Variants in UBR2 observed in about 807,000 individuals in gnomAD.
The protein encoded by UBR2 is ubiquitin protein ligase E3 component n-recognin 2.
In UBR2, 92 loss-of-function variants were observed where a neutral mutation model predicts 247.9. The ratio of observed to expected loss-of-function variants is 0.37; its 90% CI spans 0.31 to 0.44. The LOEUF is 0.44. UBR2 is among the 20% of genes least tolerant of loss of function. The pLI, the probability that UBR2 is intolerant of heterozygous loss-of-function variation, is 1.00. For synonymous variants in UBR2, 672 were observed against 693.5 expected (o/e 0.97, Z 0.49); for missense variants, 1,613 against 2,112.6 (o/e 0.76, Z 4.64).
intron 40 of UBR2, among the ~76,000 whole-genome samples, chr6:42,677,520 A>G (rs540994109): frequency 6.6e-6 from 1 of 152,330 alleles, no homozygotes; most frequent in Admixed American, 6.5e-5. Flanking sequence ...TCTCACCCCT[A>G]TAATCCCAGC....
In UBR2 at chr6:42,689,824, G is replaced by A. The variant is rs1799652436; in HGVS notation, c.5126+154G>A. Among the ~76,000 whole-genome samples the A allele has an allele frequency of 6.6e-6, 1 of 152,176 alleles. No homozygotes were observed. Among genetic ancestry groups the A allele is most frequent in the African/African-American group, 2.4e-5 (1 of 41,430 alleles). ...GAGGGTGCCCTGTCAGCCTGGTTTG[G>A]TGTTCTTTTCCCAGCCTTCAGAATG... is the stretch of plus-strand genomic sequence containing the variant. On this transcript the variant is annotated intron_variant, in intron 46 of 46. Transcript: ENST00000372901. The surrounding 1 kb of genome is among the most constrained non-coding windows in gnomAD (Gnocchi z 4.0).
At chr6:42,617,289 C>T (rs777854965) in intron 10 of UBR2, 120 bp from the exon 11 acceptor site, 7 of 1,614,120 alleles carry the variant, frequency 4.3e-6, no homozygotes, top group Non-Finnish European at 5.9e-6. Context: ...CACGAGCGAG[C>T]AGTGTCGGTG....
At chr6:42,670,362 G>C (rs1798358507) in intron 35 of UBR2, 122 bp downstream of exon 35, 1 of 1,270,734 alleles carries the variant, frequency 7.9e-7, no homozygotes, top group Non-Finnish European at 1.1e-6. Context: ...ATAATAAAAA[G>C]ACTTAGAAGC....
Position 42,661,355 on chromosome 6 carries a change from T to A in UBR2, c.3443-829T>A, listed in dbSNP as rs548950943. 3.3e-5 allele frequency among the ~76,000 whole-genome samples: 5 copies of A among 152,284 alleles called. No homozygotes were observed. The East Asian group carries it at 9.6e-4, about 29-fold the overall frequency. ...TCCAGGCCAAAGACAAAGTTGCTAA[T>A]TTTATTTAACTTATTACTTCTGAAG... On this transcript the variant is annotated intron_variant, in intron 30 of 46. Coordinates refer to ENST00000372901, the MANE Select transcript of UBR2 (RefSeq NM_001363705.2).
intron 16 of UBR2, among the ~76,000 whole-genome samples, chr6:42,640,476 T>C (rs1796377873): frequency 6.6e-6 from 1 of 151,570 alleles, no homozygotes; most frequent in Middle Eastern, 3.2e-3. Context: ...AGATTTGTTG[T>C]AAGGAACTGG....
chr6:42,678,693 C>G, intron 41 of UBR2, 24 bp downstream of exon 41: 2 of 1,598,458 alleles, frequency 1.3e-6, no homozygotes, highest in East Asian at 4.5e-5. Flanking sequence ...TCTTTCAAAA[C>G]GTAGGGAGAG....
At chr6:42,595,381 G>C (rs1369130124) in intron 4 of UBR2, among the ~76,000 whole-genome samples, 2 of 152,086 alleles carry the variant, frequency 1.3e-5, no homozygotes, top group African/African-American at 4.8e-5. Flanking sequence ...AAATGGCAGG[G>C]GAATAGGTAC....
At position 42,573,617 on chromosome 6, in the gene UBR2, C is replaced by T. The variant is rs1244933166; in HGVS notation, c.79-117C>T. 1.2e-5 allele frequency: 15 copies of T among 1,236,940 alleles called. 1 individual carries two copies. Among genetic ancestry groups the T allele is most frequent in the Middle Eastern group, 2.6e-4 (1 of 3,840 alleles). 76.6% of individuals were successfully genotyped at this position (1,236,940 alleles called of 1,614,324 possible). The stretch of plus-strand genomic sequence containing the variant: ...AACGTACGGTGGTGAGTGTTGTAAA[C>T]AAAATATTTTAATATGCTTTTGTCA... On this transcript the variant is annotated intron_variant, in intron 1 of 46. Transcript: ENST00000372901.
chr6:42,649,488 T>C (rs1012088718), intron 22 of UBR2, among the ~76,000 whole-genome samples: 9 of 152,236 alleles, frequency 5.9e-5, no homozygotes, highest in African/African-American at 2.2e-4. Flanking sequence ...AATGAAAGCT[T>C]GTATTACATT....
At chr6:42,632,070 ATAT>A (rs140606299) in intron 11 of UBR2, among the ~76,000 whole-genome samples, 27,068 of 101,646 alleles carry the variant, frequency 0.27, 2,760 homozygotes, top group East Asian at 0.42. Flanking sequence ...AAAAAAAAAA[ATAT>A]ATATATATAT....
At chr6:42,572,175 T>G (rs1330541208) in intron 1 of UBR2, among the ~76,000 whole-genome samples, 1 of 152,214 alleles carries the variant, frequency 6.6e-6, no homozygotes, top group Admixed American at 6.5e-5. Context: ...TAGTAATATT[T>G]GGAAAATAGT....
chr6:42,641,453 A>T, intron 16 of UBR2, 129 bp from the exon 17 acceptor site: 1 of 567,406 alleles, frequency 1.8e-6, no homozygotes, highest in Non-Finnish European at 2.8e-6. Context: ...GTCTCAAAAA[A>T]TAATAATAAT....
chr6:42,681,455 T>C (rs1234186285), intron 42 of UBR2, among the ~76,000 whole-genome samples: 2 of 152,170 alleles, frequency 1.3e-5, no homozygotes, highest in African/African-American at 2.4e-5. Context: ...AGGGCTTAAA[T>C]AGGCATTTCT....
chr6:42,571,384 A>G (rs575475165), intron 1 of UBR2, among the ~76,000 whole-genome samples: 177 of 152,194 alleles, frequency 1.2e-3, no homozygotes, highest in African/African-American at 3.8e-3. Context: ...AAATCTTTCA[A>G]TATGTTGTAA....
chr6:42,631,805 T>C (rs942944801), intron 11 of UBR2, among the ~76,000 whole-genome samples: 1 of 148,192 alleles, frequency 6.7e-6, no homozygotes, highest in African/African-American at 2.5e-5. Context: ...ATACACACTT[T>C]ATGTATTTAT....
At chr6:42,617,299 G>A (rs1265211272) in intron 10 of UBR2, 110 bp from the exon 11 acceptor site, 2 of 1,614,118 alleles carry the variant, frequency 1.2e-6, no homozygotes. Context: ...CAGTGTCGGT[G>A]ACTGCTCTAT....
chr6:42,640,233 G>A lies in UBR2; in HGVS notation c.1883G>A (p.Ser628Asn). ...LAGLHVLLSK[S>N]EVAYKFPELL... Reference sequence around the variant, plus strand: ...GGTTTACATGTATTATTAAGCAAAAGTGAAGTGGCATATAAATTTCCAGAG... The same window carrying A: ...GGTTTACATGTATTATTAAGCAAAAATGAAGTGGCATATAAATTTCCAGAG... Residue 628 changes from serine (S) to asparagine (N), a missense_variant, in exon 16 of 47, where the codon AGT (serine) becomes AAT (asparagine). Coordinates refer to ENST00000372901, the MANE Select transcript of UBR2 (RefSeq NM_001363705.2). The A allele has an allele frequency of 6.2e-7, 1 of 1,607,074 alleles. No individual in the cohort carries two copies. The highest frequency in any genetic ancestry group is 8.5e-7 in the Non-Finnish European group (1 of 1,177,664).
At chr6:42,676,304 GT>G in intron 39 of UBR2, 113 bp downstream of exon 39, 1 of 1,169,900 alleles carries the variant, frequency 8.5e-7, no homozygotes. Flanking sequence ...GAATAAGGCT[GT>G]TTTTTTCTGT....
At chr6:42,638,696 G>A (rs942569383) in intron 15 of UBR2, among the ~76,000 whole-genome samples, 2 of 152,100 alleles carry the variant, frequency 1.3e-5, no homozygotes, top group African/African-American at 4.8e-5. Flanking sequence ...AGAAAGTGAG[G>A]CATGCGTGTG....
Sources: gnomAD v4.1 joint callset for allele counts (sites outside exome capture counted in the v4.1 genomes callset) on GRCh38, gnomAD v4.1.1 for gene constraint, Gnocchi (gnomAD v3.1) non-coding constraint, MANE v1.5 for transcripts, NCBI Gene and HGNC (gene_info 2026-07-23, HGNC 2026-07-21) for gene names.